The following PTPMT1 variants were observed in gnomAD, a reference collection of about 807,000 sequenced individuals.
The protein encoded by PTPMT1 is protein tyrosine phosphatase mitochondrial 1.
Under a neutral mutation model 17.8 loss-of-function variants are expected in PTPMT1, and 12 were observed. The observed-to-expected ratio is 0.67, with a 90% CI of 0.43 to 1.09. The LOEUF is 1.09. Ranked by LOEUF, PTPMT1 falls within the 50% of genes least tolerant of loss-of-function variation. PTPMT1 has a pLI of 0.00. For missense variants in PTPMT1, 262 were observed against 266.0 expected (o/e 0.99, Z 0.10); for synonymous variants, 132 against 116.8 (o/e 1.13, Z -0.84).
chr11:47,573,049 G>A lies in PTPMT1; in HGVS notation c.*1420G>A, dbSNP rs746726124. 1.2e-5 allele frequency: 20 copies of A among 1,614,006 alleles called. No individual in the cohort carries two copies. The highest frequency in any genetic ancestry group is 3.3e-5 in the Admixed American group (2 of 59,996). ...GCATCCCCCTTTTTATATCGGTCCC[G>A]GAAGACATAGATGCTCCCGTTACAG... On this transcript the variant is annotated 3_prime_UTR_variant, in exon 4 of 4. Coordinates refer to ENST00000326674, the MANE Select transcript of PTPMT1 (RefSeq NM_175732.3). The surrounding 1 kb of genome is among the most constrained non-coding windows in gnomAD (Gnocchi z 4.1).
Position 47,572,926 on chromosome 11 carries a change from A to G in PTPMT1, c.*1297A>G. On this transcript the variant is annotated 3_prime_UTR_variant, in exon 4 of 4. Coordinates refer to ENST00000326674, the MANE Select transcript of PTPMT1 (RefSeq NM_175732.3). ...TGAGCAGTTCTCCTCCCCTCCCCAC[A>G]GCCTTAGGCCAACACAAACTGCAAA... 1 of 1,607,270 alleles carries G rather than the reference A, an allele frequency of 6.2e-7. No individual in the cohort carries two copies. The highest frequency in any genetic ancestry group is 8.5e-7 in the Non-Finnish European group (1 of 1,174,992).
In PTPMT1 at chr11:47,569,795, T is replaced by C. The variant is rs767724313; in HGVS notation, c.351T>C (p.Phe117=). ...TLDNLQKGVQ[F]ALKYQSLGQC... is the part of the protein sequence containing the mutation. ...ACAACCTCCAGAAGGGAGTCCAATT[T>C]GCTCTCAAGTACCAGTCGCTGGGCC... Residue 117 remains phenylalanine, a synonymous_variant, in exon 3 of 4, where the codon TTT becomes TTC. Coordinates refer to ENST00000326674, the MANE Select transcript of PTPMT1 (RefSeq NM_175732.3). The C allele has an allele frequency of 6.2e-7, 1 of 1,614,186 alleles. No individual in the cohort carries two copies. Among genetic ancestry groups the C allele is most frequent in the Non-Finnish European group, 8.5e-7 (1 of 1,180,032 alleles).
chr11:47,571,826 T>A lies in PTPMT1; in HGVS notation c.*197T>A. The A allele has an allele frequency of 1.7e-6, 1 of 575,770 alleles. No homozygotes were observed. Among genetic ancestry groups the A allele is most frequent in the Non-Finnish European group, 3.1e-6 (1 of 325,754 alleles). The allele number at this position is 575,770 out of a possible 1,614,324, so 35.7% of individuals were successfully genotyped here. A position where few individuals can be genotyped will look rare whatever the true frequency, so the allele number is the denominator to read the frequency against. ...TGTGGCTAGAAAGGAAAAGATTTAG[T>A]GTGGCTTGTATTCATGGGATACAGG... On this transcript the variant is annotated 3_prime_UTR_variant, in exon 4 of 4. Transcript: ENST00000326674.
In PTPMT1 at chr11:47,571,696, C is replaced by A; in HGVS notation, c.*67C>A. The A allele has an allele frequency of 6.8e-7, 1 of 1,469,738 alleles. No homozygotes were observed. The highest frequency in any genetic ancestry group is 1.4e-5 in the African/African-American group (1 of 71,042). 91.0% of individuals were successfully genotyped at this position (1,469,738 alleles called of 1,614,324 possible). A position where few individuals can be genotyped will look rare whatever the true frequency, so the allele number is the denominator to read the frequency against. On this transcript the variant is annotated 3_prime_UTR_variant, in exon 4 of 4. Transcript: ENST00000326674. ...ACAGAACAAAAAGAGCTTAACAGGACCAACAGGGCTTAAGCCCAGACTTGA... is the reference window on the plus strand; with the variant it reads ...ACAGAACAAAAAGAGCTTAACAGGAACAACAGGGCTTAAGCCCAGACTTGA...
rs2097243212 is a variant in PTPMT1, at chr11:47,565,963, A to G, written c.232A>G (p.Arg78Gly). ...CACCATGAACGAGGAGTACGAGACGAGGTTCCTGTGCAACTCTTCACAGGT... is the reference window on the plus strand; with the variant it reads ...CACCATGAACGAGGAGTACGAGACGGGGTTCCTGTGCAACTCTTCACAGGT... ...VITMNEEYET[R>G]FLCNSSQEWK... The change falls in exon 2 of 4, where the codon AGG becomes GGG. Residue 78 changes from arginine (R) to glycine (G), a missense_variant. Arg to Gly is a moderately radical substitution (Grantham distance 125, BLOSUM62 -2). Transcript: ENST00000326674. 1.2e-6 allele frequency: 2 copies of G among 1,600,388 alleles called. No individual in the cohort carries two copies. Among genetic ancestry groups the G allele is most frequent in the Non-Finnish European group, 1.7e-6 (2 of 1,174,038 alleles).
intron 3 of PTPMT1, among the ~76,000 whole-genome samples, chr11:47,570,501 G>A (rs905747993): frequency 1.3e-5 from 2 of 152,146 alleles, no homozygotes; most frequent in African/African-American, 4.8e-5. Context: ...CTCTAAAAAC[G>A]GAGTTGCAAA....
chr11:47,571,105 G>A (rs2097249390), intron 3 of PTPMT1, among the ~76,000 whole-genome samples: 1 of 152,116 alleles, frequency 6.6e-6, no homozygotes, highest in African/African-American at 2.4e-5. Context: ...TTGCATACTC[G>A]TTCCTAGAAA....
rs1598774608 is a variant in PTPMT1 at position 47,565,910 on chromosome 11, T to C, written c.179T>C (p.Val60Ala). 6.2e-7 allele frequency: 1 copy of C among 1,612,222 alleles called. No individual in the cohort carries two copies. Among genetic ancestry groups the C allele is most frequent in the Non-Finnish European group, 8.5e-7 (1 of 1,179,424 alleles). Reference sequence around the variant, plus strand: ...GCCACCTCTTTGCCTCGGCAGCTGGTACAGGACGAGAACGTGCGCGGGGTG... The same window carrying C: ...GCCACCTCTTTGCCTCGGCAGCTGGCACAGGACGAGAACGTGCGCGGGGTG... Reference protein sequence around the residue: ...LPLRSLTRQLVQDENVRGVIT... With the variant: ...LPLRSLTRQLAQDENVRGVIT... Residue 60 changes from valine (V) to alanine (A), a missense_variant, in exon 2 of 4, where the codon GTA (valine) becomes GCA (alanine). Physicochemically the swap from Val to Ala is moderately conservative, Grantham distance 64. Coordinates refer to ENST00000326674, the MANE Select transcript of PTPMT1 (RefSeq NM_175732.3).
rs887913397 is a variant in PTPMT1 at position 47,565,935 on chromosome 11, G to T, written c.204G>T (p.Val68=). The T allele has an allele frequency of 1.9e-6, 3 of 1,610,194 alleles. No homozygotes were observed. The highest frequency in any genetic ancestry group is 2.5e-6 in the Non-Finnish European group (3 of 1,178,614). ...QLVQDENVRG[V]ITMNEEYETR... ...TACAGGACGAGAACGTGCGCGGGGT[G>T]ATCACCATGAACGAGGAGTACGAGA... is the stretch of plus-strand genomic sequence containing the variant. The change falls in exon 2 of 4, where the codon GTG becomes GTT. Residue 68 remains valine (V), a synonymous_variant. Coordinates refer to ENST00000326674, the MANE Select transcript of PTPMT1 (RefSeq NM_175732.3).
chr11:47,566,091 G>C, intron 2 of PTPMT1, 105 bp downstream of exon 2: 1 of 1,286,952 alleles, frequency 7.8e-7, no homozygotes, highest in Non-Finnish European at 1.0e-6. Flanking sequence ...CCATGCACCG[G>C]AGCCAGGTGT....
Position 47,572,269 on chromosome 11 carries a change from A to C in PTPMT1, c.*640A>C, listed in dbSNP as rs750994484. The C allele has an allele frequency of 1.2e-4, 19 of 152,874 alleles. No homozygotes were observed. Among genetic ancestry groups the C allele is most frequent in the Non-Finnish European group, 2.5e-4 (17 of 68,214 alleles). 9.5% of individuals were successfully genotyped at this position (152,874 alleles called of 1,614,324 possible). ...TAGCTTAGAGCTTTTAAAAGAGCAG[A>C]CACCTTATATATTTGAGATTGAAAA... On this transcript the variant is annotated 3_prime_UTR_variant, in exon 4 of 4. Transcript: ENST00000326674.
Position 47,573,129 on chromosome 11 carries a change from C to T in PTPMT1, c.*1500C>T, listed in dbSNP as rs1185348236. On this transcript the variant is annotated 3_prime_UTR_variant, in exon 4 of 4. Transcript: ENST00000326674. This position sits in a 1 kb window ranked among gnomAD's most constrained non-coding sequence, Gnocchi z 4.1. ...GCTCCAGGCCTCAGGAAGGCAAAGC[C>T]GGGTGAAGCTGTCTAGCAAGGGATT... The T allele has an allele frequency of 1.9e-5, 31 of 1,614,070 alleles. No homozygotes were observed. The highest frequency in any genetic ancestry group is 2.5e-5 in the Non-Finnish European group (29 of 1,180,046).
intron 2 of PTPMT1, 134 bp downstream of exon 2, chr11:47,566,120 C>G: frequency 1.0e-6 from 1 of 970,790 alleles, no homozygotes; most frequent in Non-Finnish European, 1.5e-6. Flanking sequence ...GCTTTGCCTC[C>G]GGTCTGTGCC....
chr11:47,567,559 CTTTTTTTTT>C (rs370022255), intron 2 of PTPMT1, among the ~76,000 whole-genome samples: 1 of 116,174 alleles, frequency 8.6e-6, no homozygotes, highest in East Asian at 2.5e-4. Flanking sequence ...TATTTCTTTT[CTTTTTTTTT>C]TTTTTTTTTT....
rs1192601642 is a variant in PTPMT1 at position 47,571,484 on chromosome 11, G to A, written c.461G>A (p.Ser154Asn). 1 of 1,613,920 alleles carries A rather than the reference G, an allele frequency of 6.2e-7. No individual in the cohort carries two copies. Among genetic ancestry groups the A allele is most frequent in the South Asian group, 1.1e-5 (1 of 91,070 alleles). ...CCTGTACTTCAGGTGCACAAATGGA[G>A]TCCAGAGGAGGCTGTAAGAGCCATC... ...AAYLIQVHKW[S>N]PEEAVRAIAK... The change falls in exon 4 of 4, where the codon AGT becomes AAT. Residue 154 changes from serine to asparagine, a missense_variant. Ser to Asn is a conservative substitution (Grantham distance 46). Transcript: ENST00000326674.
At chr11:47,566,162 T>C (rs923240981) in intron 2 of PTPMT1, among the ~76,000 whole-genome samples, 176 bp downstream of exon 2, 12 of 152,056 alleles carry the variant, frequency 7.9e-5, no homozygotes, top group Non-Finnish European at 1.3e-4. Context: ...GGCTAGAAGC[T>C]GTGAAAGGCG....
Position 47,572,910 on chromosome 11 carries a change from C to A in PTPMT1, c.*1281C>A, listed in dbSNP as rs201493810. 1.9e-4 allele frequency: 304 copies of A among 1,597,850 alleles called. No individual in the cohort carries two copies. The highest frequency in any genetic ancestry group is 2.6e-4 in the Non-Finnish European group (301 of 1,169,902). ...GGGGAGGGAAAAGGAGTGAGCAGTT[C>A]TCCTCCCCTCCCCACAGCCTTAGGC... On this transcript the variant is annotated 3_prime_UTR_variant, in exon 4 of 4. Transcript: ENST00000326674.
At position 47,569,910 on chromosome 11, in the gene PTPMT1, G is replaced by C; in HGVS notation, c.447+19G>C. 1 of 1,602,274 alleles carries C rather than the reference G, an allele frequency of 6.2e-7. No homozygotes were observed. Among genetic ancestry groups the C allele is most frequent in the Non-Finnish European group, 8.5e-7 (1 of 1,172,460 alleles). ...GATTCAGGTACCAAAGTTCTTTCTG[G>C]GCTGGGCATCGTGGTACACACTTAT... On this transcript the variant is annotated intron_variant, in intron 3 of 3. Coordinates refer to ENST00000326674, the MANE Select transcript of PTPMT1 (RefSeq NM_175732.3).
In PTPMT1 at chr11:47,571,628, G is replaced by C. The variant is rs190036505; in HGVS notation, c.605G>C (p.Ter202SerextTer38). 7,080 of 1,613,928 alleles carry C rather than the reference G, an allele frequency of 4.4e-3. 45 individuals carry two copies. Among genetic ancestry groups the C allele is most frequent in the South Asian group, 0.021 (1,952 of 91,072 alleles). ...KDGTFVISKT[*>S] Reference sequence around the variant, plus strand: ...GGGACTTTTGTCATTTCAAAGACATGATGTATGGGGATTAGAAAGAACTCA... The same window carrying C: ...GGGACTTTTGTCATTTCAAAGACATCATGTATGGGGATTAGAAAGAACTCA... The change falls in exon 4 of 4, where the codon TGA (stop) becomes TCA (serine). Residue 202 changes from the stop codon to serine (S), a stop_lost. Coordinates refer to ENST00000326674, the MANE Select transcript of PTPMT1 (RefSeq NM_175732.3).
Sources: gnomAD v4.1 joint callset for allele counts (sites outside exome capture counted in the v4.1 genomes callset) on GRCh38, gnomAD v4.1.1 for gene constraint, Gnocchi (gnomAD v3.1) non-coding constraint, MANE v1.5 for transcripts, NCBI Gene and HGNC (gene_info 2026-07-23, HGNC 2026-07-21) for gene names.